CLNK: variants seen among roughly 807,000 people sequenced by gnomAD.
CLNK encodes cytokine-dependent hematopoietic cell linker.
Under a neutral mutation model 68.6 loss-of-function variants are expected in CLNK, and 74 were observed. The ratio of observed to expected loss-of-function variants is 1.08; its 90% CI spans 0.89 to 1.31. The LOEUF (loss-of-function observed/expected upper bound fraction) is 1.31. CLNK is among the 50% of genes most tolerant of loss of function. The pLI is 0.00. For synonymous variants in CLNK, 198 were observed against 172.2 expected (o/e 1.15, Z -1.17); for missense variants, 553 against 515.3 (o/e 1.07, Z -0.71).
At chr4:10,521,676 T>C (rs1298927971) in intron 14 of CLNK, among the ~76,000 whole-genome samples, 2 of 152,188 alleles carry the variant, frequency 1.3e-5, no homozygotes, top group Non-Finnish European at 2.9e-5. Flanking sequence ...GCTTTGTGGA[T>C]AAAAACGCAA....
At chr4:10,546,284 C>A (rs990577624) in intron 8 of CLNK, among the ~76,000 whole-genome samples, 12 of 152,158 alleles carry the variant, frequency 7.9e-5, no homozygotes, top group African/African-American at 2.9e-4. Flanking sequence ...TCTGAAATAT[C>A]AATGTAAGTT....
intron 18 of CLNK, among the ~76,000 whole-genome samples, chr4:10,495,917 A>C (rs1716793998): frequency 6.6e-6 from 1 of 152,210 alleles, no homozygotes; most frequent in South Asian, 2.1e-4. Context: ...GATTGCTGGC[A>C]GCCACGGAAA....
chr4:10,723,880 G>A, the CLNK span, among the ~76,000 whole-genome samples: 8 of 46,468 alleles, frequency 1.7e-4, no homozygotes, highest in African/African-American at 4.5e-4. Flanking sequence ...TAACACAGGA[G>A]TCAGAGAGAG....
chr4:10,718,464 A>G, the CLNK span, among the ~76,000 whole-genome samples: 1 of 149,336 alleles, frequency 6.7e-6, no homozygotes, highest in African/African-American at 2.5e-5. Flanking sequence ...GAAACCATAG[A>G]GACCAGAAAA....
At chr4:10,683,353 T>A (rs1288602082) in intron 1 of CLNK, among the ~76,000 whole-genome samples, 1 of 152,208 alleles carries the variant, frequency 6.6e-6, no homozygotes, top group African/African-American at 2.4e-5. Flanking sequence ...GTCTTGCCTA[T>A]ACAGTCATCT....
intron 15 of CLNK, among the ~76,000 whole-genome samples, chr4:10,520,524 A>AC (rs1718015115): frequency 6.6e-6 from 1 of 152,242 alleles, no homozygotes; most frequent in Admixed American, 6.5e-5. Flanking sequence ...ATGAAGGGAA[A>AC]TGATCACATT....
chr4:10,678,938 C>T (rs1301043526), intron 1 of CLNK, among the ~76,000 whole-genome samples: 1 of 152,080 alleles, frequency 6.6e-6, no homozygotes, highest in African/African-American at 2.4e-5. Flanking sequence ...GCCATACTGC[C>T]CAAGGTAATT....
At position 10,585,084 on chromosome 4, in the gene CLNK, C is replaced by T. The variant is rs543571882; in HGVS notation, c.84-129G>A. 147 of 763,236 alleles carry T rather than the reference C, an allele frequency of 1.9e-4. 4 individuals carry two copies. In the South Asian group the frequency reaches 2.3e-3, roughly 12 times the overall value. The allele number at this position is 763,236 out of a possible 1,614,324, so 47.3% of individuals were successfully genotyped here. A position where few individuals can be genotyped will look rare whatever the true frequency, so the allele number is the denominator to read the frequency against. On this transcript the variant is annotated intron_variant, in intron 3 of 18. Transcript: ENST00000226951. ...CCTCTGAAGCTGCTTTATGTATGTA[C>T]TATTGTAGACCTGAAGTCACATATT...
upstream of CLNK, among the ~76,000 whole-genome samples, chr4:10,687,286 T>A (rs1197204007): frequency 2.6e-5 from 4 of 151,062 alleles, no homozygotes; most frequent in African/African-American, 7.3e-5. Flanking sequence ...AAATCAACCA[T>A]CAAGATGATG....
At chr4:10,620,971 G>A (rs918445372) in intron 2 of CLNK, among the ~76,000 whole-genome samples, 7 of 151,992 alleles carry the variant, frequency 4.6e-5, no homozygotes, top group South Asian at 2.1e-4. Context: ...TTAGCCCGGC[G>A]TAGTGGTGGG....
At position 10,542,022 on chromosome 4, in the gene CLNK, C is replaced by T. The variant is rs199642916; in HGVS notation, c.491G>A (p.Arg164Gln). Residue 164 changes from arginine to glutamine, a missense_variant and splice_region_variant, in exon 10 of 19, where the codon CGG (arginine) becomes CAG (glutamine). Transcript: ENST00000226951. ...AAAATGCTATTTTAAAGTGTTTTAC[C>T]GAGGAGGTGGTAAAGGAATCTGAAA... ...RKNKIPLPPP[R>Q]PLITLPKKYQ... 27 of 1,584,528 alleles carry T rather than the reference C, an allele frequency of 1.7e-5. No individual in the cohort carries two copies. Among genetic ancestry groups the T allele is most frequent in the East Asian group, 6.8e-5 (3 of 44,302 alleles).
intron 2 of CLNK, among the ~76,000 whole-genome samples, chr4:10,639,514 G>T (rs1249780107): frequency 1.3e-5 from 2 of 152,176 alleles, no homozygotes; most frequent in African/African-American, 4.8e-5. Flanking sequence ...CTGGGCCTCA[G>T]TTTCCTCATC....
chr4:10,732,216 C>T, the CLNK span, among the ~76,000 whole-genome samples: 1 of 152,148 alleles, frequency 6.6e-6, no homozygotes, highest in Admixed American at 6.5e-5. Context: ...CTCTGTTGAA[C>T]AATCAGCTCA....
chr4:10,525,356 C>T lies in CLNK; in HGVS notation c.731+485G>A, dbSNP rs187016002. Among the ~76,000 whole-genome samples, 190 of 152,206 alleles carry T rather than the reference C, an allele frequency of 1.2e-3. No homozygotes were observed. In the Middle Eastern group the frequency reaches 0.024, roughly 19 times the overall value. ...CTGGGATTACAGGCGTGAGCCACCG[C>T]GCCCGGCCAAGCCTTGGCTTCTTTA... On this transcript the variant is annotated intron_variant, in intron 14 of 18. Transcript: ENST00000226951.
At position 10,511,039 on chromosome 4, in the gene CLNK, G is replaced by A. The variant is rs143155383; in HGVS notation, c.906+2425C>T. Among the ~76,000 whole-genome samples the A allele has an allele frequency of 6.1e-3, 930 of 152,294 alleles. 14 individuals are homozygous for A. The highest frequency in any genetic ancestry group is 0.021 in the African/African-American group (890 of 41,560). On this transcript the variant is annotated intron_variant, in intron 16 of 18. Coordinates refer to ENST00000226951, the MANE Select transcript of CLNK (RefSeq NM_052964.4). ...TGGTGGCAACATGCCTGTAATCCCA[G>A]ATACTTGGGAGGCTGAGGCAGGAGA...
At chr4:10,525,737 CA>C (rs766224272) in intron 14 of CLNK, 103 bp downstream of exon 14, 5 of 658,008 alleles carry the variant, frequency 7.6e-6, no homozygotes, top group Non-Finnish European at 1.3e-5. Flanking sequence ...GCTTCAGAAA[CA>C]AAGACTTTCG....
At chr4:10,525,231 A>AT (rs1165240964) in intron 14 of CLNK, among the ~76,000 whole-genome samples, 13 of 151,882 alleles carry the variant, frequency 8.6e-5, no homozygotes, top group Non-Finnish European at 1.6e-4. Flanking sequence ...CACTCGGCTA[A>AT]TTTTTTTGTA....
At chr4:10,719,174 A>T in the CLNK span, among the ~76,000 whole-genome samples, 28 of 152,110 alleles carry the variant, frequency 1.8e-4, no homozygotes, top group African/African-American at 6.8e-4. Context: ...AGAAAATAAA[A>T]TAGCAATCTT....
At chr4:10,696,104 C>T in the CLNK span, among the ~76,000 whole-genome samples, 1 of 152,158 alleles carries the variant, frequency 6.6e-6, no homozygotes, top group Non-Finnish European at 1.5e-5. Flanking sequence ...GATCCACCCA[C>T]CTCGGCCTCC....
Sources: gnomAD v4.1 joint callset for allele counts (sites outside exome capture counted in the v4.1 genomes callset) on GRCh38, gnomAD v4.1.1 for gene constraint, MANE v1.5 for transcripts, NCBI Gene and HGNC (gene_info 2026-07-23, HGNC 2026-07-21) for gene names.